Variants in PRICKLE2 observed in about 807,000 individuals in gnomAD.
PRICKLE2 encodes prickle-like protein 2.
Under a neutral mutation model 81.4 loss-of-function variants are expected in PRICKLE2, and 21 were observed. That is an observed-to-expected ratio of 0.26 (90% CI 0.18 to 0.37). PRICKLE2 has a LOEUF of 0.37. PRICKLE2 is among the 10% of genes least tolerant of loss of function. The pLI, the probability that PRICKLE2 is intolerant of heterozygous loss-of-function variation, is 1.00. For synonymous variants in PRICKLE2, 456 were observed against 421.5 expected (o/e 1.08, Z -1.00); for missense variants, 940 against 1,109.0 (o/e 0.85, Z 2.16).
At chr3:64,184,652 AT>A (rs2078190120) in intron 2 of PRICKLE2, among the ~76,000 whole-genome samples, 1 of 151,274 alleles carries the variant, frequency 6.6e-6, no homozygotes, top group African/African-American at 2.4e-5. Flanking sequence ...AAAAAAAAAA[AT>A]TTGAGATGGA....
Position 64,099,030 on chromosome 3 carries a change from C to G in PRICKLE2, c.*21G>C. 4 of 1,613,910 alleles carry G rather than the reference C, an allele frequency of 2.5e-6. No individual in the cohort carries two copies. The highest frequency in any genetic ancestry group is 3.4e-6 in the Non-Finnish European group (4 of 1,179,808). On this transcript the variant is annotated 3_prime_UTR_variant, in exon 8 of 8. Transcript: ENST00000638394. This position sits in a 1 kb window ranked among gnomAD's most constrained non-coding sequence, Gnocchi z 4.3. Reference sequence around the variant, plus strand: ...TACATTCTTAGCTCCCATCTTCTCCCATTCCCTGATCCCAATCATATTAAG... The same window carrying G: ...TACATTCTTAGCTCCCATCTTCTCCGATTCCCTGATCCCAATCATATTAAG...
rs2076550741 is a variant in PRICKLE2 at position 64,094,993 on chromosome 3, A to G, written c.*4058T>C. On this transcript the variant is annotated 3_prime_UTR_variant, in exon 8 of 8. Coordinates refer to ENST00000638394, the MANE Select transcript of PRICKLE2 (RefSeq NM_198859.4). ...AGTTTTCCACTTTCCTTTGTCATGGACGGATCTTCCTTCTTAGGCTTAAGC... is the reference window on the plus strand; with the variant it reads ...AGTTTTCCACTTTCCTTTGTCATGGGCGGATCTTCCTTCTTAGGCTTAAGC... 2.0e-5 allele frequency: 3 copies of G among 152,664 alleles called. No homozygotes were observed. Among genetic ancestry groups the G allele is most frequent in the Admixed American group, 1.3e-4 (2 of 15,282 alleles). The allele number at this position is 152,664 out of a possible 1,614,324, so 9.5% of individuals were successfully genotyped here.
intron 1 of PRICKLE2, chr3:64,199,273 T>A (rs2078523704): frequency 1.9e-6 from 1 of 523,382 alleles, no homozygotes; most frequent in African/African-American, 1.9e-5. Context: ...TAGTTTTTAT[T>A]TTACTAGGTA....
intron 1 of PRICKLE2, among the ~76,000 whole-genome samples, chr3:64,210,282 T>G (rs1253065953): frequency 1.3e-5 from 2 of 152,154 alleles, no homozygotes; most frequent in Non-Finnish European, 2.9e-5. Context: ...TCCCTGCCCC[T>G]AGCCACAATA....
chr3:64,131,525 C>T (rs2077196235), intron 7 of PRICKLE2, among the ~76,000 whole-genome samples: 1 of 152,158 alleles, frequency 6.6e-6, no homozygotes, highest in African/African-American at 2.4e-5. Flanking sequence ...GTTTTCAAGG[C>T]TTACTGTTTA....
intron 7 of PRICKLE2, among the ~76,000 whole-genome samples, chr3:64,135,040 A>G (rs1227796112): frequency 6.6e-6 from 1 of 152,206 alleles, no homozygotes. Context: ...GGATGGTCTC[A>G]CCAAAAGCTC....
chr3:64,163,008 C>T lies in PRICKLE2; in HGVS notation c.258+8G>A. The stretch of plus-strand genomic sequence containing the variant: ...AAAATTCTGCATAAGCCCCCTCTAG[C>T]CCCTTACCTCATTGTCATGTGGCGG... On this transcript the variant is annotated splice_region_variant and intron_variant, in intron 3 of 7. Coordinates refer to ENST00000638394, the MANE Select transcript of PRICKLE2 (RefSeq NM_198859.4). 6.3e-7 allele frequency: 1 copy of T among 1,580,090 alleles called. No homozygotes were observed. Among genetic ancestry groups the T allele is most frequent in the Non-Finnish European group, 8.7e-7 (1 of 1,148,904 alleles).
At chr3:64,116,197 G>A (rs1316442688) in intron 7 of PRICKLE2, among the ~76,000 whole-genome samples, 3 of 152,170 alleles carry the variant, frequency 2.0e-5, no homozygotes, top group Non-Finnish European at 4.4e-5. Flanking sequence ...AGCTAAGGCA[G>A]TGTTAAGCAG....
In PRICKLE2 at chr3:64,096,660, G is replaced by C. The variant is rs184544359; in HGVS notation, c.*2391C>G. 1 of 152,298 alleles carries C rather than the reference G, an allele frequency of 6.6e-6. No individual in the cohort carries two copies. The highest frequency in any genetic ancestry group is 2.4e-5 in the African/African-American group (1 of 41,426). 9.4% of individuals were successfully genotyped at this position (152,298 alleles called of 1,614,324 possible). On this transcript the variant is annotated 3_prime_UTR_variant, in exon 8 of 8. Transcript: ENST00000638394. ...AGTTCAGTGCCTGGATGCTCTCTGG[G>C]CATCTAGACTTATGCCTCCAGACCC...
chr3:64,246,272 C>A (rs1036323957), intron 2 of PRICKLE2, among the ~76,000 whole-genome samples: 4 of 151,940 alleles, frequency 2.6e-5, no homozygotes, highest in Admixed American at 1.3e-4. Flanking sequence ...AAAAACTGTA[C>A]ACCTCTCTTC....
chr3:64,231,466 G>C (rs1318287100), intron 2 of PRICKLE2, among the ~76,000 whole-genome samples: 1 of 152,106 alleles, frequency 6.6e-6, no homozygotes, highest in African/African-American at 2.4e-5. Context: ...TTTATGTAAA[G>C]GACTAGGAGA....
chr3:64,118,378 C>CAAAAAGAAACT (rs1160038827), intron 7 of PRICKLE2, among the ~76,000 whole-genome samples: 1 of 151,916 alleles, frequency 6.6e-6, no homozygotes, highest in Non-Finnish European at 1.5e-5. Context: ...TTCTGCACAG[C>CAAAAAGAAACT]AAAAAGAAAC....
intron 7 of PRICKLE2, among the ~76,000 whole-genome samples, chr3:64,123,153 T>C (rs2077052358): frequency 6.6e-6 from 1 of 152,206 alleles, no homozygotes; most frequent in African/African-American, 2.4e-5. Context: ...TACAAATTTA[T>C]AATGTGCACA....
intron 2 of PRICKLE2, among the ~76,000 whole-genome samples, chr3:64,191,966 G>T (rs1421661546): frequency 2.6e-5 from 4 of 152,174 alleles, no homozygotes; most frequent in Non-Finnish European, 4.4e-5. Flanking sequence ...ACTTGGAGCT[G>T]GTGGAGCTGC....
At chr3:64,214,398 A>G (rs1039037338) in intron 1 of PRICKLE2, among the ~76,000 whole-genome samples, 1 of 152,210 alleles carries the variant, frequency 6.6e-6, no homozygotes, top group Non-Finnish European at 1.5e-5. Flanking sequence ...TAGACACAAC[A>G]GGGAAAGACA....
At chr3:64,256,221 T>C (rs1156671186) in intron 2 of PRICKLE2, among the ~76,000 whole-genome samples, 1 of 152,236 alleles carries the variant, frequency 6.6e-6, no homozygotes, top group Non-Finnish European at 1.5e-5. Context: ...CGTTTCTATA[T>C]GGCCCAGGAG....
intron 7 of PRICKLE2, among the ~76,000 whole-genome samples, chr3:64,123,783 G>A (rs1165358269): frequency 6.6e-6 from 1 of 152,190 alleles, no homozygotes; most frequent in Non-Finnish European, 1.5e-5. Context: ...TGTTGTATGT[G>A]TGTGTGTTCT....
At chr3:64,150,348 A>G (rs900100653) in intron 6 of PRICKLE2, among the ~76,000 whole-genome samples, 1 of 151,998 alleles carries the variant, frequency 6.6e-6, no homozygotes, top group African/African-American at 2.4e-5. Context: ...CATCAGTACA[A>G]TGGGGATAAT....
chr3:64,120,018 G>C (rs554506021), intron 7 of PRICKLE2, among the ~76,000 whole-genome samples: 1 of 152,250 alleles, frequency 6.6e-6, no homozygotes, highest in South Asian at 2.1e-4. Context: ...GGTACTCAAC[G>C]GATGTAAAGA....
Sources: gnomAD v4.1 joint callset for allele counts (sites outside exome capture counted in the v4.1 genomes callset) on GRCh38, gnomAD v4.1.1 for gene constraint, Gnocchi (gnomAD v3.1) non-coding constraint, MANE v1.5 for transcripts, NCBI Gene and HGNC (gene_info 2026-07-23, HGNC 2026-07-21) for gene names.